The following FUT9 variants were observed in gnomAD, a reference collection of about 807,000 sequenced individuals.
The protein encoded by FUT9 is fucosyltransferase 9, also known as 4-galactosyl-N-acetylglucosaminide 3-alpha-L-fucosyltransferase 9.
Under a neutral mutation model 29.7 loss-of-function variants are expected in FUT9, and 15 were observed. The observed-to-expected ratio is 0.51, with a 90% CI of 0.34 to 0.78. The LOEUF (loss-of-function observed/expected upper bound fraction) is 0.78, where lower values mean the gene tolerates loss of function less well. FUT9 is among the 30% of genes least tolerant of loss of function. The pLI is 0.01. For synonymous variants in FUT9, 169 were observed against 153.7 expected, an observed-to-expected ratio of 1.10 and a Z score of -0.74; for missense variants, 319 against 425.4, an observed-to-expected ratio of 0.75 and a Z score of 2.20.
chr6:96,089,213 T>C (rs952076259), intron 1 of FUT9, among the ~76,000 whole-genome samples: 2 of 152,204 alleles, frequency 1.3e-5, no homozygotes, highest in Non-Finnish European at 2.9e-5. Context: ...TGCTGATTAA[T>C]ACTCAGCTAA....
rs1258546349 is a variant in FUT9 at position 96,209,609 on chromosome 6, G to A, written c.*5374G>A. ...TTGGAAATACCTGAGGCAATCCCAG[G>A]CTAACAATAAAATAGCATAATTTTA... On this transcript the variant is annotated 3_prime_UTR_variant, in exon 3 of 3. Coordinates refer to ENST00000302103, the MANE Select transcript of FUT9 (RefSeq NM_006581.4). 5 of 166,744 alleles carry A rather than the reference G, an allele frequency of 3.0e-5. No homozygotes were observed. Among genetic ancestry groups the A allele is most frequent in the Non-Finnish European group, 7.4e-5 (5 of 68,004 alleles). 10.3% of individuals were successfully genotyped at this position (166,744 alleles called of 1,614,324 possible). A position where few individuals can be genotyped will look rare whatever the true frequency, so the allele number is the denominator to read the frequency against.
At chr6:96,151,708 C>T (rs17056251) in intron 2 of FUT9, among the ~76,000 whole-genome samples, 5,986 of 152,240 alleles carry the variant, frequency 0.039, 204 homozygotes, top group South Asian at 0.13. Flanking sequence ...CTATCCATAT[C>T]TCTCATGAGC....
chr6:96,153,770 T>A (rs1291879903), intron 2 of FUT9, among the ~76,000 whole-genome samples: 2 of 152,314 alleles, frequency 1.3e-5, no homozygotes, highest in Non-Finnish European at 2.9e-5. Flanking sequence ...CAGTTTTCAA[T>A]TATGGATGCT....
Position 96,209,671 on chromosome 6 carries a change from T to C in FUT9, c.*5436T>C, listed in dbSNP as rs921843754. 1 of 166,744 alleles carries C rather than the reference T, an allele frequency of 6.0e-6. No individual in the cohort carries two copies. The highest frequency in any genetic ancestry group is 1.5e-5 in the Non-Finnish European group (1 of 68,048). The allele number at this position is 166,744 out of a possible 1,614,324, so 10.3% of individuals were successfully genotyped here. ...TTGAGTTCATTTGAACATTTAGTTA[T>C]TTTTTAGCTCATAGTTAACATATGT... On this transcript the variant is annotated 3_prime_UTR_variant, in exon 3 of 3. Transcript: ENST00000302103.
At chr6:96,193,685 T>C (rs1773564154) in intron 2 of FUT9, among the ~76,000 whole-genome samples, 1 of 152,024 alleles carries the variant, frequency 6.6e-6, no homozygotes. Context: ...CCATTTGACC[T>C]GGCAATCCTG....
intron 1 of FUT9, among the ~76,000 whole-genome samples, chr6:96,065,436 T>C (rs1236827175): frequency 2.0e-5 from 3 of 152,154 alleles, no homozygotes; most frequent in East Asian, 3.9e-4. Context: ...ATTGAGAAGA[T>C]TGCCAATGGT....
intron 1 of FUT9, among the ~76,000 whole-genome samples, chr6:96,091,450 C>A (rs1191120090): frequency 6.6e-6 from 1 of 151,952 alleles, no homozygotes; most frequent in African/African-American, 2.4e-5. Context: ...TATCTTGGAT[C>A]ATAAAAGAAA....
At chr6:96,085,487 T>G (rs910264672) in intron 1 of FUT9, among the ~76,000 whole-genome samples, 1 of 152,190 alleles carries the variant, frequency 6.6e-6, no homozygotes, top group Non-Finnish European at 1.5e-5. Context: ...GACCGCACCT[T>G]CTAATACCAT....
chr6:96,187,908 G>A (rs747617934), intron 2 of FUT9, among the ~76,000 whole-genome samples: 2 of 152,114 alleles, frequency 1.3e-5, no homozygotes, highest in Non-Finnish European at 2.9e-5. Context: ...GAAAGAGAAT[G>A]TGCCTAGGAG....
chr6:96,125,513 G>A (rs762026674), intron 2 of FUT9, among the ~76,000 whole-genome samples: 2 of 152,126 alleles, frequency 1.3e-5, no homozygotes, highest in Non-Finnish European at 2.9e-5. Context: ...CACTGTGTCG[G>A]CACTTAATAA....
intron 1 of FUT9, among the ~76,000 whole-genome samples, chr6:96,061,649 T>G (rs6907684): frequency 0.028 from 4,265 of 152,324 alleles, 219 homozygotes; most frequent in African/African-American, 0.097. Context: ...ACTATGATTC[T>G]AAGATCTTTT....
intron 1 of FUT9, among the ~76,000 whole-genome samples, chr6:96,093,407 G>A (rs1218078439): frequency 6.6e-6 from 1 of 151,952 alleles, no homozygotes; most frequent in Admixed American, 6.6e-5. Flanking sequence ...GATGTGGTTT[G>A]GGCATCTCTA....
intron 1 of FUT9, among the ~76,000 whole-genome samples, chr6:96,095,064 G>A (rs984195025): frequency 2.0e-5 from 3 of 151,930 alleles, no homozygotes; most frequent in Non-Finnish European, 4.4e-5. Context: ...CGTCCTCTTC[G>A]TGATATGTGG....
chr6:96,126,034 A>G (rs1407490933), intron 2 of FUT9, among the ~76,000 whole-genome samples: 2 of 152,052 alleles, frequency 1.3e-5, no homozygotes, highest in African/African-American at 2.4e-5. Flanking sequence ...TGCTGTCTTC[A>G]GGGTTGATAT....
At chr6:96,054,296 C>G (rs995202712) in intron 1 of FUT9, among the ~76,000 whole-genome samples, 1 of 152,132 alleles carries the variant, frequency 6.6e-6, no homozygotes, top group East Asian at 1.9e-4. Context: ...TAGGTTGGTC[C>G]TTATGGACCA....
intron 1 of FUT9, among the ~76,000 whole-genome samples, chr6:96,057,698 A>G (rs1770796195): frequency 6.6e-6 from 1 of 152,250 alleles, no homozygotes; most frequent in Non-Finnish European, 1.5e-5. Context: ...GTGTGAGCAC[A>G]GAACGAAGAG....
chr6:96,083,056 A>G (rs940032756), intron 1 of FUT9, among the ~76,000 whole-genome samples: 4 of 151,922 alleles, frequency 2.6e-5, no homozygotes, highest in African/African-American at 9.7e-5. Flanking sequence ...CCTATAGTCC[A>G]TTCTCCTTAC....
intron 2 of FUT9, among the ~76,000 whole-genome samples, chr6:96,144,951 A>G (rs908636229): frequency 6.6e-6 from 1 of 152,222 alleles, no homozygotes; most frequent in African/African-American, 2.4e-5. Flanking sequence ...CTCATAACTT[A>G]AGAACTGTAT....
Position 96,214,416 on chromosome 6 carries a change from T to C in FUT9, c.*10181T>C. ...CTAGGCAGTCTTGACAGTCAACCAGTGTAATCACTAGGGGAAGAAAAAGTA... is the reference window on the plus strand; with the variant it reads ...CTAGGCAGTCTTGACAGTCAACCAGCGTAATCACTAGGGGAAGAAAAAGTA... On this transcript the variant is annotated 3_prime_UTR_variant, in exon 3 of 3. Transcript: ENST00000302103. 6.0e-6 allele frequency: 1 copy of C among 167,032 alleles called. No homozygotes were observed. 10.3% of individuals were successfully genotyped at this position (167,032 alleles called of 1,614,324 possible).
Sources: gnomAD v4.1 joint callset for allele counts (sites outside exome capture counted in the v4.1 genomes callset) on GRCh38, gnomAD v4.1.1 for gene constraint, MANE v1.5 for transcripts, NCBI Gene and HGNC (gene_info 2026-07-23, HGNC 2026-07-21) for gene names.